LRRK1: variants seen among roughly 807,000 people sequenced by gnomAD.
LRRK1 encodes the protein leucine-rich repeat serine/threonine-protein kinase 1.
A neutral mutation model predicts 209.1 loss-of-function variants in LRRK1; 113 were observed. The observed-to-expected ratio is 0.54, with a 90% confidence interval of 0.46 to 0.63. The LOEUF (loss-of-function observed/expected upper bound fraction) is 0.63, where lower values mean the gene tolerates loss of function less well. Among genes scored for constraint, LRRK1 ranks in the 30% least tolerant of loss-of-function variants. The probability of loss-of-function intolerance (pLI) is 0.00; values close to 1 mark genes in which losing one functional copy is unlikely to be tolerated. For missense variants in LRRK1, 2,284 were observed against 2,632.2 expected, an observed-to-expected ratio of 0.87 and a Z score of 2.89; for synonymous variants, 1,144 against 1,099.7, an observed-to-expected ratio of 1.04 and a Z score of -0.80.
rs777340916 is a variant in LRRK1 at position 100,988,607 on chromosome 15, T to C, written c.434-27T>C. ...CAAACAGCACCCTTCAGTGGCACTTTCCCTTTGTCCTGCCATCTCCTGCCA... is the reference window on the plus strand; with the variant it reads ...CAAACAGCACCCTTCAGTGGCACTTCCCCTTTGTCCTGCCATCTCCTGCCA... On this transcript the variant is annotated intron_variant, in intron 4 of 33. Coordinates refer to ENST00000388948, the MANE Select transcript of LRRK1 (RefSeq NM_024652.6). The C allele has an allele frequency of 5.6e-6, 9 of 1,612,844 alleles. No homozygotes were observed. In the South Asian group the frequency reaches 8.8e-5, roughly 16 times the overall value.
At chr15:100,941,288 GTCTGTGTGTGTCTA>G (rs2042401878) in intron 2 of LRRK1, among the ~76,000 whole-genome samples, 1 of 90,054 alleles carries the variant, frequency 1.1e-5, no homozygotes, top group Non-Finnish European at 2.2e-5. Context: ...CCGTGTGTGT[GTCTGTGTGTGTCTA>G]TGTGTGTGTG....
intron 29 of LRRK1, among the ~76,000 whole-genome samples, chr15:101,060,720 C>T (rs892017791): frequency 5.9e-5 from 9 of 152,142 alleles, no homozygotes; most frequent in Admixed American, 5.9e-4. Context: ...CCAAGGCTCT[C>T]GCAAATGACA....
intron 16 of LRRK1, 140 bp from the exon 17 acceptor site, chr15:101,025,825 A>C: frequency 1.2e-6 from 1 of 827,890 alleles, no homozygotes; most frequent in Non-Finnish European, 1.9e-6. Flanking sequence ...CAAACATCCA[A>C]ACCGTCTCAA....
At chr15:100,999,447 G>C (rs2032586781) in intron 6 of LRRK1, among the ~76,000 whole-genome samples, 1 of 152,134 alleles carries the variant, frequency 6.6e-6, no homozygotes, top group Non-Finnish European at 1.5e-5. Context: ...CCTTGTCTTT[G>C]TTCAGACCCT....
Position 101,027,176 on chromosome 15 carries a change from G to A in LRRK1, c.2406-85G>A. Reference sequence around the variant, plus strand: ...GTTCTCCAGACTTGCCAGCGTTCAGGACAAACCTCTCAGGGAAACAGAGAA... The same window carrying A: ...GTTCTCCAGACTTGCCAGCGTTCAGAACAAACCTCTCAGGGAAACAGAGAA... On this transcript the variant is annotated intron_variant, in intron 17 of 33. Coordinates refer to ENST00000388948, the MANE Select transcript of LRRK1 (RefSeq NM_024652.6). This position sits in a 1 kb window ranked among gnomAD's most constrained non-coding sequence, Gnocchi z 5.1. 1 of 1,562,942 alleles carries A rather than the reference G, an allele frequency of 6.4e-7. No homozygotes were observed. The highest frequency in any genetic ancestry group is 8.7e-7 in the Non-Finnish European group (1 of 1,149,892).
At chr15:101,016,212 T>C (rs1218630858) in intron 12 of LRRK1, among the ~76,000 whole-genome samples, 1 of 151,806 alleles carries the variant, frequency 6.6e-6, no homozygotes, top group Non-Finnish European at 1.5e-5. Flanking sequence ...TATAAGAACG[T>C]TAATCTCATA....
At chr15:101,013,026 G>T (rs1451857217) in intron 10 of LRRK1, among the ~76,000 whole-genome samples, 1 of 152,220 alleles carries the variant, frequency 6.6e-6, no homozygotes, top group Non-Finnish European at 1.5e-5. Context: ...TAGCAGGCTT[G>T]GATTTTTGGC....
At chr15:100,974,579 A>G (rs2031183260) in intron 3 of LRRK1, among the ~76,000 whole-genome samples, 1 of 152,178 alleles carries the variant, frequency 6.6e-6, no homozygotes, top group South Asian at 2.1e-4. Flanking sequence ...TGGCTACGTG[A>G]CACTCCATCT....
chr15:101,011,614 G>A (rs2033251529), intron 9 of LRRK1, among the ~76,000 whole-genome samples: 1 of 152,134 alleles, frequency 6.6e-6, no homozygotes, highest in Non-Finnish European at 1.5e-5. Flanking sequence ...ATGTGTGTGT[G>A]TGTTATGGCT....
intron 3 of LRRK1, among the ~76,000 whole-genome samples, chr15:100,982,442 A>G (rs1044488398): frequency 2.6e-5 from 4 of 152,220 alleles, no homozygotes; most frequent in East Asian, 1.9e-4. Flanking sequence ...CTTACTAGCT[A>G]TGTGGTCTTG....
intron 31 of LRRK1, among the ~76,000 whole-genome samples, chr15:101,064,990 G>A (rs1337087961): frequency 1.3e-5 from 2 of 152,110 alleles, no homozygotes; most frequent in Non-Finnish European, 2.9e-5. Flanking sequence ...CTCTGAAGGA[G>A]GCCTTGGTGG....
intron 2 of LRRK1, among the ~76,000 whole-genome samples, chr15:100,936,538 C>T (rs531713278): frequency 5.3e-5 from 8 of 152,366 alleles, no homozygotes; most frequent in African/African-American, 1.9e-4. Context: ...CCAGCCTCTC[C>T]TTTAACAAGA....
chr15:100,963,543 A>G (rs1202086625), intron 2 of LRRK1, among the ~76,000 whole-genome samples: 1 of 152,176 alleles, frequency 6.6e-6, no homozygotes, highest in Non-Finnish European at 1.5e-5. Context: ...ACCCTGCTCT[A>G]CACCACTCCC....
At chr15:100,961,296 A>C (rs1392061546) in intron 2 of LRRK1, among the ~76,000 whole-genome samples, 1 of 152,192 alleles carries the variant, frequency 6.6e-6, no homozygotes, top group Non-Finnish European at 1.5e-5. Context: ...CAAAGGCTGC[A>C]ACTCCTAATA....
At chr15:100,989,793 G>A (rs1395982549) in intron 6 of LRRK1, 1 of 273,534 alleles carries the variant, frequency 3.7e-6, no homozygotes, top group Non-Finnish European at 6.8e-6. Context: ...GCTATAGCAG[G>A]GTGGGAGCTG....
intron 2 of LRRK1, among the ~76,000 whole-genome samples, chr15:100,961,310 T>C (rs966587116): frequency 2.0e-4 from 30 of 152,134 alleles, no homozygotes; most frequent in African/African-American, 7.2e-4. Context: ...CCTAATACCA[T>C]TACAATGGGG....
chr15:101,035,431 C>G (rs2141111098), intron 20 of LRRK1, among the ~76,000 whole-genome samples: 1 of 152,144 alleles, frequency 6.6e-6, no homozygotes, highest in Middle Eastern at 3.4e-3. Flanking sequence ...CTGCTTTTGA[C>G]TTAAAGTCTG....
Position 101,025,836 on chromosome 15 carries a change from G to A in LRRK1, c.2233-129G>A. ...GAGGCAAACATCCAAACCGTCTCAA[G>A]GCTGCAGATTGGTGGCTGAGCAAGG... On this transcript the variant is annotated intron_variant, in intron 16 of 33. Transcript: ENST00000388948. 5 of 901,884 alleles carry A rather than the reference G, an allele frequency of 5.5e-6. No homozygotes were observed. In the Admixed American group the frequency reaches 6.9e-5, roughly 12 times the overall value. 55.9% of individuals were successfully genotyped at this position (901,884 alleles called of 1,614,324 possible).
intron 2 of LRRK1, among the ~76,000 whole-genome samples, chr15:100,972,335 TGAGAGAG>T (rs1245768399): frequency 5.9e-4 from 63 of 106,208 alleles, no homozygotes; most frequent in African/African-American, 1.6e-3. Flanking sequence ...TATATATATA[TGAGAGAG>T]AGAGAGAGAG....
Sources: gnomAD v4.1 joint callset for allele counts (sites outside exome capture counted in the v4.1 genomes callset) on GRCh38, gnomAD v4.1.1 for gene constraint, Gnocchi (gnomAD v3.1) non-coding constraint, MANE v1.5 for transcripts, NCBI Gene and HGNC (gene_info 2026-07-23, HGNC 2026-07-21) for gene names.